CXCL5: variants seen among roughly 807,000 people sequenced by gnomAD.
The protein encoded by CXCL5 is C-X-C motif chemokine ligand 5.
In CXCL5, 13 loss-of-function variants were observed where a neutral mutation model predicts 12.1. That is an observed-to-expected ratio of 1.08 (90% CI 0.70 to 1.71). The LOEUF (loss-of-function observed/expected upper bound fraction) is 1.71, where lower values mean the gene tolerates loss of function less well. Among genes scored for constraint, CXCL5 ranks in the 40% most tolerant of loss-of-function variants. The pLI, the probability that CXCL5 is intolerant of heterozygous loss-of-function variation, is 0.00. For missense variants in CXCL5, 159 were observed against 142.4 expected (o/e 1.12, Z -0.59); for synonymous variants, 67 against 59.0 (o/e 1.14, Z -0.62).
At position 73,996,304 on chromosome 4, in the gene CXCL5, A is replaced by C. The variant is rs1719191108; in HGVS notation, c.*1333T>G. On this transcript the variant is annotated 3_prime_UTR_variant, in exon 4 of 4. Coordinates refer to ENST00000296027, the MANE Select transcript of CXCL5 (RefSeq NM_002994.5). ...GAACAGGCTTTACATTCAGACAGAAATGCTTCAAAATCCCAGTGAAATGAA... is the reference window on the plus strand; with the variant it reads ...GAACAGGCTTTACATTCAGACAGAACTGCTTCAAAATCCCAGTGAAATGAA... 6.6e-6 allele frequency: 1 copy of C among 152,610 alleles called. No homozygotes were observed. Among genetic ancestry groups the C allele is most frequent in the South Asian group, 2.1e-4 (1 of 4,830 alleles). The allele number at this position is 152,610 out of a possible 1,614,324, so 9.5% of individuals were successfully genotyped here. A position where few individuals can be genotyped will look rare whatever the true frequency, so the allele number is the denominator to read the frequency against.
At position 73,996,445 on chromosome 4, in the gene CXCL5, G is replaced by A. The variant is rs993323893; in HGVS notation, c.*1192C>T. The stretch of plus-strand genomic sequence containing the variant: ...GGGGCCAAAGCTGTGAGTGGGGAGG[G>A]AACTTGCCCCAGCGTGGCCACCTTA... On this transcript the variant is annotated 3_prime_UTR_variant, in exon 4 of 4. Transcript: ENST00000296027. 1.2e-4 allele frequency: 18 copies of A among 152,560 alleles called. No individual in the cohort carries two copies. The highest frequency in any genetic ancestry group is 1.0e-3 in the Admixed American group (16 of 15,276). 9.5% of individuals were successfully genotyped at this position (152,560 alleles called of 1,614,324 possible).
chr4:73,998,388 TCCCTGGAACGCAGCGA>T, intron 1 of CXCL5, 50 bp from the exon 2 acceptor site: 2 of 1,610,284 alleles, frequency 1.2e-6, no homozygotes, highest in Non-Finnish European at 1.7e-6. Flanking sequence ...CTGGGAGAGT[TCCCTGGAACGCAGCGA>T]CCCCGCAGAG....
intron 1 of CXCL5, 30 bp downstream of exon 1, chr4:73,998,443 G>T (rs754067612): frequency 3.1e-6 from 5 of 1,607,030 alleles, no homozygotes; most frequent in South Asian, 2.2e-5. Flanking sequence ...GCCCGAGTGC[G>T]AGTGCGTCCC....
chr4:73,998,522 CGCG>C lies in CXCL5; in HGVS notation c.57_59del (p.Cys19_Ala20delinsTrp). ...TCAGCAGCAGCAGCAGCACCAACAG[CGCG>C]CACAAGGAGCTCGAAGGACCGGGGA... is the stretch of plus-strand genomic sequence containing the variant. On this transcript the variant is annotated inframe_deletion, in exon 1 of 4. Transcript: ENST00000296027. 1.3e-6 allele frequency: 2 copies of C among 1,597,166 alleles called. No homozygotes were observed. Among genetic ancestry groups the C allele is most frequent in the Non-Finnish European group, 1.7e-6 (2 of 1,171,542 alleles).
At position 73,997,081 on chromosome 4, in the gene CXCL5, A is replaced by C. The variant is rs1408639528; in HGVS notation, c.*556T>G. The C allele has an allele frequency of 6.6e-6, 1 of 152,290 alleles. No individual in the cohort carries two copies. The highest frequency in any genetic ancestry group is 1.5e-5 in the Non-Finnish European group (1 of 68,078). The allele number at this position is 152,290 out of a possible 1,614,324, so 9.4% of individuals were successfully genotyped here. On this transcript the variant is annotated 3_prime_UTR_variant, in exon 4 of 4. Coordinates refer to ENST00000296027, the MANE Select transcript of CXCL5 (RefSeq NM_002994.5). ...AAGGTGTGAAACACTCAGCTTTCTA[A>C]AGTGAAATAATTAAATAGTATCCCA...
rs1300030236 is a variant in CXCL5, at chr4:73,995,882, C to T, written c.*1755G>A. The T allele has an allele frequency of 6.7e-6, 1 of 148,472 alleles. No homozygotes were observed. The highest frequency in any genetic ancestry group is 1.5e-5 in the Non-Finnish European group (1 of 67,212). 9.2% of individuals were successfully genotyped at this position (148,472 alleles called of 1,614,324 possible). A position where few individuals can be genotyped will look rare whatever the true frequency, so the allele number is the denominator to read the frequency against. ...AATATATAAATACATACGTTTTTAC[C>T]AAGAAATGTTTTATTTTTCTTGCAG... On this transcript the variant is annotated 3_prime_UTR_variant, in exon 4 of 4. Coordinates refer to ENST00000296027, the MANE Select transcript of CXCL5 (RefSeq NM_002994.5).
rs929941017 is a variant in CXCL5 at position 73,996,183 on chromosome 4, T to C, written c.*1454A>G. 2 of 152,656 alleles carry C rather than the reference T, an allele frequency of 1.3e-5. No individual in the cohort carries two copies. Among genetic ancestry groups the C allele is most frequent in the African/African-American group, 2.4e-5 (1 of 41,450 alleles). The allele number at this position is 152,656 out of a possible 1,614,324, so 9.5% of individuals were successfully genotyped here. ...CAGAAATATTTGTAAAAATAAACTT[T>C]ACAGCATTATCAAGGATATTAAGAC... On this transcript the variant is annotated 3_prime_UTR_variant, in exon 4 of 4. Coordinates refer to ENST00000296027, the MANE Select transcript of CXCL5 (RefSeq NM_002994.5).
rs199513293 is a variant in CXCL5 at position 73,997,650 on chromosome 4, T to C, written c.332A>G (p.Asn111Ser). 8 of 1,609,406 alleles carry C rather than the reference T, an allele frequency of 5.0e-6. No individual in the cohort carries two copies. The African/African-American group carries it at 8.0e-5, about 16-fold the overall frequency. ...KVIQKILDGG[N>S]KEN ...CATTTCTCTTAATCAGTTTTCCTTG[T>C]TTCCACTGTTGAGAAAAATGTTATA... Residue 111 changes from asparagine (N) to serine (S), a missense_variant, in exon 4 of 4, where the codon AAC (asparagine) becomes AGC (serine). Coordinates refer to ENST00000296027, the MANE Select transcript of CXCL5 (RefSeq NM_002994.5).
At position 73,998,486 on chromosome 4, in the gene CXCL5, C is replaced by A. The variant is rs1169921603; in HGVS notation, c.96G>T (p.Gly32=). ...LVLLLLLTQP[G]PIASAGPAAA... is the part of the protein sequence containing the mutation. ...ATGCGCTCTCACCGCTGGCGATGGG[C>A]CCTGGCTGCGTCAGCAGCAGCAGCA... is the stretch of plus-strand genomic sequence containing the variant. The change falls in exon 1 of 4, where the codon GGG becomes GGT. Residue 32 remains glycine, a synonymous_variant. Coordinates refer to ENST00000296027, the MANE Select transcript of CXCL5 (RefSeq NM_002994.5). 2 of 1,601,596 alleles carry A rather than the reference C, an allele frequency of 1.2e-6. No homozygotes were observed. Among genetic ancestry groups the A allele is most frequent in the South Asian group, 1.1e-5 (1 of 89,916 alleles).
In CXCL5 at chr4:73,997,262, C is replaced by A. The variant is rs1432801768; in HGVS notation, c.*375G>T. ...AATCCACAGCCTTCTCAGTTAATAT[C>A]TTAAGGAATATTTCTTGGAAATATA... On this transcript the variant is annotated 3_prime_UTR_variant, in exon 4 of 4. Coordinates refer to ENST00000296027, the MANE Select transcript of CXCL5 (RefSeq NM_002994.5). 5.2e-6 allele frequency: 1 copy of A among 191,860 alleles called. No homozygotes were observed. The highest frequency in any genetic ancestry group is 2.3e-5 in the African/African-American group (1 of 43,122). The allele number at this position is 191,860 out of a possible 1,614,324, so 11.9% of individuals were successfully genotyped here. A position where few individuals can be genotyped will look rare whatever the true frequency, so the allele number is the denominator to read the frequency against.
chr4:73,998,651 C>G lies in CXCL5; in HGVS notation c.-70G>C, dbSNP rs1011943930. 1.5e-6 allele frequency: 2 copies of G among 1,372,430 alleles called. No homozygotes were observed. The highest frequency in any genetic ancestry group is 2.0e-5 in the Admixed American group (1 of 50,178). 85.0% of individuals were successfully genotyped at this position (1,372,430 alleles called of 1,614,324 possible). Reference sequence around the variant, plus strand: ...GGTGGAGGAGCGGAGATTGGAGGAGCGAAGATTGGAGGATCCGGAGCACTG... The same window carrying G: ...GGTGGAGGAGCGGAGATTGGAGGAGGGAAGATTGGAGGATCCGGAGCACTG... On this transcript the variant is annotated 5_prime_UTR_variant, in exon 1 of 4. Transcript: ENST00000296027.
rs1280561589 is a variant in CXCL5 at position 73,998,624 on chromosome 4, T to A, written c.-43A>T. ...TGCGAGCGGTCGCGGGTTCCTGAAC[T>A]GGGTGGAGGAGCGGAGATTGGAGGA... On this transcript the variant is annotated 5_prime_UTR_variant, in exon 1 of 4. Coordinates refer to ENST00000296027, the MANE Select transcript of CXCL5 (RefSeq NM_002994.5). 6.6e-7 allele frequency: 1 copy of A among 1,516,732 alleles called. No homozygotes were observed. Among genetic ancestry groups the A allele is most frequent in the Non-Finnish European group, 9.0e-7 (1 of 1,114,748 alleles). The allele number at this position is 1,516,732 out of a possible 1,614,324, so 94.0% of individuals were successfully genotyped here. A position where few individuals can be genotyped will look rare whatever the true frequency, so the allele number is the denominator to read the frequency against.
intron 2 of CXCL5, 35 bp from the exon 3 acceptor site, chr4:73,998,130 T>C (rs1392912751): frequency 1.9e-6 from 3 of 1,613,502 alleles, no homozygotes; most frequent in East Asian, 4.5e-5. Flanking sequence ...ACTCATGAGA[T>C]ACCAAGGTTG....
rs201724609 is a variant in CXCL5 at position 73,996,158 on chromosome 4, C to G, written c.*1479G>C. 16 of 152,610 alleles carry G rather than the reference C, an allele frequency of 1.0e-4. No individual in the cohort carries two copies. The highest frequency in any genetic ancestry group is 2.0e-4 in the Admixed American group (3 of 15,274). The allele number at this position is 152,610 out of a possible 1,614,324, so 9.5% of individuals were successfully genotyped here. A position where few individuals can be genotyped will look rare whatever the true frequency, so the allele number is the denominator to read the frequency against. On this transcript the variant is annotated 3_prime_UTR_variant, in exon 4 of 4. Coordinates refer to ENST00000296027, the MANE Select transcript of CXCL5 (RefSeq NM_002994.5). ...CCAAACAAAGGTGAAATAGCTTAAACAGAAATATTTGTAAAAATAAACTTT... is the reference window on the plus strand; with the variant it reads ...CCAAACAAAGGTGAAATAGCTTAAAGAGAAATATTTGTAAAAATAAACTTT...
chr4:73,998,361 C>CT, intron 1 of CXCL5, 23 bp from the exon 2 acceptor site: 3 of 1,613,372 alleles, frequency 1.9e-6, no homozygotes, highest in Non-Finnish European at 2.5e-6. Flanking sequence ...GAGAGACACC[C>CT]TTTATAGGGC....
chr4:73,997,450 C>T lies in CXCL5; in HGVS notation c.*187G>A, dbSNP rs557053868. The T allele has an allele frequency of 5.2e-6, 3 of 576,182 alleles. No individual in the cohort carries two copies. Among genetic ancestry groups the T allele is most frequent in the East Asian group, 2.9e-5 (1 of 33,986 alleles). 35.7% of individuals were successfully genotyped at this position (576,182 alleles called of 1,614,324 possible). On this transcript the variant is annotated 3_prime_UTR_variant, in exon 4 of 4. Coordinates refer to ENST00000296027, the MANE Select transcript of CXCL5 (RefSeq NM_002994.5). ...TCATTAGCTGAGCTGAAAGCTTAAGCGGCAAACATAGGTTTTCCTCACACT... is the reference window on the plus strand; with the variant it reads ...TCATTAGCTGAGCTGAAAGCTTAAGTGGCAAACATAGGTTTTCCTCACACT...
rs200883747 is a variant in CXCL5 at position 73,998,074 on chromosome 4, C to A, written c.264G>T (p.Lys88Asn). The change falls in exon 3 of 4, where the codon AAG becomes AAT. Residue 88 changes from lysine to asparagine, a missense_variant. Coordinates refer to ENST00000296027, the MANE Select transcript of CXCL5 (RefSeq NM_002994.5). ...VEVVASLKNG[K>N]EICLDPEAPF... ...GGGCTTCTGGATCAAGACAAATTTCCTTCCCGTTCTTCAGGGAGGCTCTGA... is the reference window on the plus strand; with the variant it reads ...GGGCTTCTGGATCAAGACAAATTTCATTCCCGTTCTTCAGGGAGGCTCTGA... 6.2e-7 allele frequency: 1 copy of A among 1,614,006 alleles called. No individual in the cohort carries two copies. Among genetic ancestry groups the A allele is most frequent in the South Asian group, 1.1e-5 (1 of 91,046 alleles).
rs200359847 is a variant in CXCL5 at position 73,997,632 on chromosome 4, C to T, written c.*5G>A. 6.2e-7 allele frequency: 1 copy of T among 1,609,452 alleles called. No homozygotes were observed. Among genetic ancestry groups the T allele is most frequent in the Non-Finnish European group, 8.5e-7 (1 of 1,177,664 alleles). ...AACTTTTCCATGCGTGCTCATTTCTCTTAATCAGTTTTCCTTGTTTCCACT... is the reference window on the plus strand; with the variant it reads ...AACTTTTCCATGCGTGCTCATTTCTTTTAATCAGTTTTCCTTGTTTCCACT... On this transcript the variant is annotated 3_prime_UTR_variant, in exon 4 of 4. Coordinates refer to ENST00000296027, the MANE Select transcript of CXCL5 (RefSeq NM_002994.5).
At position 73,998,241 on chromosome 4, in the gene CXCL5, G is replaced by A. The variant is rs1294829210; in HGVS notation, c.207C>T (p.Phe69=). ...HPKMISNLQV[F]AIGPQCSKVE... is the part of the protein sequence containing the mutation. ...CCTTGGAGCACTGTGGGCCTATGGC[G>A]AACACTTGCAGATTACTGATCATTT... Residue 69 remains phenylalanine, a synonymous_variant, in exon 2 of 4, where the codon TTC becomes TTT. Coordinates refer to ENST00000296027, the MANE Select transcript of CXCL5 (RefSeq NM_002994.5). 1 of 1,614,222 alleles carries A rather than the reference G, an allele frequency of 6.2e-7. No homozygotes were observed. The highest frequency in any genetic ancestry group is 1.7e-5 in the Admixed American group (1 of 60,028).
Sources: gnomAD v4.1 joint callset for allele counts on GRCh38, gnomAD v4.1.1 for gene constraint, MANE v1.5 for transcripts, NCBI Gene and HGNC (gene_info 2026-07-23, HGNC 2026-07-21) for gene names.